HERC5: variants seen among roughly 807,000 people sequenced by gnomAD.
HERC5 encodes E3 ISG15--protein ligase HERC5.
In HERC5, 99 loss-of-function variants were observed where a neutral mutation model predicts 119.6. The observed-to-expected ratio is 0.83, with a 90% CI of 0.70 to 0.98. The LOEUF (loss-of-function observed/expected upper bound fraction) is 0.98, where lower values mean the gene tolerates loss of function less well. Among genes scored for constraint, HERC5 ranks in the 50% least tolerant of loss-of-function variants. The probability of loss-of-function intolerance (pLI) is 0.00; values close to 1 mark genes in which losing one functional copy is unlikely to be tolerated. For synonymous variants in HERC5, 478 were observed against 445.9 expected, an observed-to-expected ratio of 1.07 and a Z score of -0.91; for missense variants, 1,267 against 1,241.3, an observed-to-expected ratio of 1.02 and a Z score of -0.31.
Position 88,470,693 on chromosome 4 carries a change from A to AC in HERC5, c.1298+20_1298+21insC. On this transcript the variant is annotated intron_variant, in intron 10 of 22. Transcript: ENST00000264350. ...GAAAAGGTAATATATGTAATAAATT[A>AC]ATTGTATTAAATTGTATTAAGAGTA... 9.9e-7 allele frequency: 1 copy of AC among 1,006,186 alleles called. No homozygotes were observed. Among genetic ancestry groups the AC allele is most frequent in the Non-Finnish European group, 1.5e-6 (1 of 649,870 alleles). The allele number at this position is 1,006,186 out of a possible 1,614,324, so 62.3% of individuals were successfully genotyped here. A position where few individuals can be genotyped will look rare whatever the true frequency, so the allele number is the denominator to read the frequency against.
chr4:88,469,704 T>G (rs980231744), intron 9 of HERC5, among the ~76,000 whole-genome samples: 1 of 152,250 alleles, frequency 6.6e-6, no homozygotes, highest in Non-Finnish European at 1.5e-5. Context: ...GTTCAAGTGC[T>G]TTACTCAGTT....
At chr4:88,498,029 T>C (rs2149108070) in intron 18 of HERC5, among the ~76,000 whole-genome samples, 1 of 152,304 alleles carries the variant, frequency 6.6e-6, no homozygotes, top group East Asian at 1.9e-4. Context: ...GTGACTCCAG[T>C]GGCCCCAGGT....
At position 88,462,310 on chromosome 4, in the gene HERC5, A is replaced by C. The variant is rs762970774; in HGVS notation, c.642A>C (p.Ser214=). ...TATCCATGTCTGGCAACATTTATTCATGGGGAAAAAATGAATGTGGACAAC... is the reference window on the plus strand; with the variant it reads ...TATCCATGTCTGGCAACATTTATTCCTGGGGAAAAAATGAATGTGGACAAC... ...MALSMSGNIY[S]WGKNECGQLG... is the part of the protein sequence containing the mutation. The change falls in exon 4 of 23, where the codon TCA becomes TCC. Residue 214 remains serine (S), a synonymous_variant. Transcript: ENST00000264350. The C allele has an allele frequency of 1.9e-6, 3 of 1,614,190 alleles. No individual in the cohort carries two copies. In the Admixed American group the frequency reaches 5.0e-5, roughly 27 times the overall value.
chr4:88,467,800 G>C (rs1360625445), intron 7 of HERC5: 1 of 646,136 alleles, frequency 1.5e-6, no homozygotes, highest in Non-Finnish European at 1.9e-6. Flanking sequence ...CAGAGTCTGA[G>C]CTCTGAAACA....
chr4:88,502,876 T>C (rs530772033), intron 20 of HERC5, among the ~76,000 whole-genome samples: 78 of 152,160 alleles, frequency 5.1e-4, no homozygotes, highest in African/African-American at 1.8e-3. Flanking sequence ...TTTTTTTTTC[T>C]TGTCAGTTTA....
Position 88,505,721 on chromosome 4 carries a change from T to A in HERC5, c.2918T>A (p.Met973Lys), listed in dbSNP as rs754788369. 1 of 1,595,740 alleles carries A rather than the reference T, an allele frequency of 6.3e-7. No individual in the cohort carries two copies. Among genetic ancestry groups the A allele is most frequent in the Non-Finnish European group, 8.6e-7 (1 of 1,164,156 alleles). ...DRLQMKDLNN[M>K]KITFCCPESW... ...CTACAAATGAAAGATTTAAATAATA[T>A]GAAAATAACATTTTGCTGTCCTGAA... The change falls in exon 23 of 23, where the codon ATG (methionine) becomes AAG (lysine). Residue 973 changes from methionine (M) to lysine (K), a missense_variant. Physicochemically the swap from Met to Lys is moderately conservative, Grantham distance 95 (BLOSUM62 -1). Around this residue, in one of 3 missense-constraint regions of HERC5, gnomAD observed 473 missense variants for 445.7 expected, o/e 1.06. Coordinates refer to ENST00000264350, the MANE Select transcript of HERC5 (RefSeq NM_016323.4).
chr4:88,461,255 T>C (rs1363243905), intron 3 of HERC5, among the ~76,000 whole-genome samples: 1 of 152,210 alleles, frequency 6.6e-6, no homozygotes, highest in South Asian at 2.1e-4. Flanking sequence ...ATATTTCATA[T>C]TATCTACTGT....
chr4:88,464,895 G>A (rs1026160634), intron 6 of HERC5, among the ~76,000 whole-genome samples: 1 of 151,952 alleles, frequency 6.6e-6, no homozygotes, highest in Admixed American at 6.6e-5. Flanking sequence ...CTCAGCCTCC[G>A]GAGTAGCTGG....
At chr4:88,466,726 C>T (rs1740681863) in intron 6 of HERC5, among the ~76,000 whole-genome samples, 1 of 152,142 alleles carries the variant, frequency 6.6e-6, no homozygotes, top group Non-Finnish European at 1.5e-5. Context: ...CTGAGTCTTC[C>T]AGGATGGAAA....
chr4:88,475,964 G>A lies in HERC5; in HGVS notation c.1516G>A (p.Glu506Lys). 6.2e-7 allele frequency: 1 copy of A among 1,614,042 alleles called. No homozygotes were observed. Among genetic ancestry groups the A allele is most frequent in the Non-Finnish European group, 8.5e-7 (1 of 1,180,002 alleles). Residue 506 changes from glutamate (E) to lysine (K), a missense_variant, in exon 12 of 23, where the codon GAG (glutamate) becomes AAG (lysine). Glu to Lys is a moderately conservative substitution (Grantham distance 56). Coordinates refer to ENST00000264350, the MANE Select transcript of HERC5 (RefSeq NM_016323.4). Reference protein sequence around the residue: ...CPMMHISNNWESLVVPFAKVV... With the variant: ...CPMMHISNNWKSLVVPFAKVV... ...TATGATGCATATTTCCAACAACTGG[G>A]AGAGCCTTGTGGTTCCATTTGCAAA...
chr4:88,496,837 A>G (rs977718421), intron 18 of HERC5, among the ~76,000 whole-genome samples: 5 of 152,174 alleles, frequency 3.3e-5, no homozygotes, highest in Non-Finnish European at 7.3e-5. Context: ...TGCAAAAGGG[A>G]AGGTGTTGTC....
chr4:88,458,073 GT>G, intron 1 of HERC5: 1 of 985,548 alleles, frequency 1.0e-6, no homozygotes, highest in Non-Finnish European at 1.2e-6. Context: ...TTTATTTTGC[GT>G]TTAACTACTG....
intron 10 of HERC5, among the ~76,000 whole-genome samples, chr4:88,471,743 T>C (rs960289947): frequency 2.6e-5 from 4 of 152,226 alleles, no homozygotes; most frequent in African/African-American, 4.8e-5. Flanking sequence ...TAAGAAATTA[T>C]TGGTCAGAAG....
At chr4:88,487,207 C>A in intron 15 of HERC5, 28 bp downstream of exon 15, 2 of 1,233,262 alleles carry the variant, frequency 1.6e-6, no homozygotes, top group Non-Finnish European at 1.2e-6. Context: ...TCTTCATTAG[C>A]ATAAATCACA....
At chr4:88,481,486 ACT>A (rs1741276138) in intron 13 of HERC5, among the ~76,000 whole-genome samples, 1 of 151,584 alleles carries the variant, frequency 6.6e-6, no homozygotes, top group African/African-American at 2.4e-5. Context: ...TTTTTGACAA[ACT>A]CACATTCTTA....
intron 10 of HERC5, among the ~76,000 whole-genome samples, chr4:88,472,130 A>AT (rs1448940155): frequency 6.6e-6 from 1 of 151,582 alleles, no homozygotes; most frequent in African/African-American, 2.4e-5. Flanking sequence ...CTCTGTGGCT[A>AT]TTTTTTTTAA....
intron 12 of HERC5, among the ~76,000 whole-genome samples, chr4:88,477,691 G>A (rs1333973680): frequency 6.6e-6 from 1 of 152,074 alleles, no homozygotes; most frequent in African/African-American, 2.4e-5. Context: ...TAGTCTGACC[G>A]TTTCCTATCC....
intron 11 of HERC5, among the ~76,000 whole-genome samples, chr4:88,475,117 C>CTTTTTTTTTT (rs764084976): frequency 1.8e-5 from 2 of 109,922 alleles, no homozygotes; most frequent in African/African-American, 3.3e-5. Context: ...CGGATTTTGT[C>CTTTTTTTTTT]TTTTTTTTTT....
chr4:88,500,546 T>C (rs1741919177), intron 19 of HERC5, among the ~76,000 whole-genome samples: 1 of 152,232 alleles, frequency 6.6e-6, no homozygotes, highest in Non-Finnish European at 1.5e-5. Context: ...CTCCCCTTGA[T>C]TGCAAGTGTT....
Sources: gnomAD v4.1 joint callset for allele counts (sites outside exome capture counted in the v4.1 genomes callset) on GRCh38, gnomAD v4.1.1 for gene constraint, gnomAD v4.1.1 regional missense constraint, MANE v1.5 for transcripts, NCBI Gene and HGNC (gene_info 2026-07-23, HGNC 2026-07-21) for gene names.